The following CPNE4 variants were observed in gnomAD, a reference collection of about 807,000 sequenced individuals.
CPNE4 encodes the protein copine-4.
In CPNE4, 25 loss-of-function variants were observed where a neutral mutation model predicts 67.9. The ratio of observed to expected loss-of-function variants is 0.37; its 90% CI spans 0.27 to 0.51. CPNE4 has a LOEUF of 0.51. Among genes scored for constraint, CPNE4 ranks in the 20% least tolerant of loss-of-function variants. CPNE4 has a pLI of 0.93. For missense variants in CPNE4, 464 were observed against 690.8 expected, an observed-to-expected ratio of 0.67 and a Z score of 3.68; for synonymous variants, 242 against 244.9, an observed-to-expected ratio of 0.99 and a Z score of 0.11.
intron 1 of CPNE4, among the ~76,000 whole-genome samples, chr3:131,942,512 G>C (rs2071431439): frequency 9.6e-6 from 1 of 104,592 alleles, no homozygotes; most frequent in Non-Finnish European, 2.0e-5. Context: ...GAGAGAGAGA[G>C]AGATCATTTT....
chr3:131,772,818 C>G (rs1013401781), intron 2 of CPNE4, among the ~76,000 whole-genome samples: 2 of 152,092 alleles, frequency 1.3e-5, no homozygotes, highest in Non-Finnish European at 2.9e-5. Context: ...CTGGGGAAAG[C>G]CTGGACATAG....
chr3:131,802,985 C>T (rs1560350011), intron 2 of CPNE4, among the ~76,000 whole-genome samples: 1 of 152,032 alleles, frequency 6.6e-6, no homozygotes, highest in Non-Finnish European at 1.5e-5. Context: ...TGTATGGACT[C>T]AGGACTGGAA....
intron 1 of CPNE4, among the ~76,000 whole-genome samples, chr3:131,992,342 G>A (rs915604394): frequency 7.3e-6 from 1 of 137,006 alleles, no homozygotes; most frequent in African/African-American, 2.5e-5. Flanking sequence ...CTGGGTGTGA[G>A]ACATGGGGTC....
intron 9 of CPNE4, among the ~76,000 whole-genome samples, chr3:131,578,746 C>T (rs1937617160): frequency 1.3e-5 from 2 of 152,002 alleles, no homozygotes; most frequent in Admixed American, 1.3e-4. Flanking sequence ...TACAACATTC[C>T]CTTAAGCTAA....
chr3:131,642,011 G>A (rs1302192736), intron 7 of CPNE4, among the ~76,000 whole-genome samples: 2 of 152,068 alleles, frequency 1.3e-5, no homozygotes, highest in Non-Finnish European at 2.9e-5. Context: ...TGGGGGAAAG[G>A]GTGAGGGGTG....
At chr3:132,026,466 T>C (rs1164205698) in intron 1 of CPNE4, among the ~76,000 whole-genome samples, 1 of 152,184 alleles carries the variant, frequency 6.6e-6, no homozygotes, top group Non-Finnish European at 1.5e-5. Context: ...TTATGAAGCA[T>C]GGACTGGATA....
intron 2 of CPNE4, among the ~76,000 whole-genome samples, chr3:131,836,932 T>C (rs2085580325): frequency 6.6e-6 from 1 of 152,118 alleles, no homozygotes; most frequent in African/African-American, 2.4e-5. Context: ...AAAAATACAC[T>C]TCACCAAAGA....
chr3:131,798,522 T>A (rs891172678), intron 2 of CPNE4, among the ~76,000 whole-genome samples: 5 of 152,166 alleles, frequency 3.3e-5, no homozygotes, highest in Non-Finnish European at 5.9e-5. Context: ...TGATGTTAAA[T>A]GTATACCTAC....
At chr3:131,908,895 A>G (rs1369175161) in intron 1 of CPNE4, among the ~76,000 whole-genome samples, 1 of 152,108 alleles carries the variant, frequency 6.6e-6, no homozygotes, top group Non-Finnish European at 1.5e-5. Context: ...GAGCAGATTA[A>G]ATAATATATG....
intron 2 of CPNE4, among the ~76,000 whole-genome samples, chr3:131,795,761 C>T (rs892832159): frequency 4.6e-5 from 7 of 152,294 alleles, no homozygotes; most frequent in Middle Eastern, 6.8e-3. Flanking sequence ...CCTGGAGAAT[C>T]ATGAAGCTCA....
At chr3:131,825,946 T>C (rs139841981) in intron 2 of CPNE4, among the ~76,000 whole-genome samples, 1 of 152,352 alleles carries the variant, frequency 6.6e-6, no homozygotes, top group African/African-American at 2.4e-5. Context: ...CTTGGGTCTT[T>C]ATAGGCCCCC....
At chr3:131,992,070 C>T (rs761078875) in intron 1 of CPNE4, among the ~76,000 whole-genome samples, 2 of 136,694 alleles carry the variant, frequency 1.5e-5, no homozygotes, top group Non-Finnish European at 3.3e-5. Context: ...AGAACCTCTG[C>T]TACAACAGTA....
intron 2 of CPNE4, among the ~76,000 whole-genome samples, chr3:131,773,379 G>T (rs1046114734): frequency 4.9e-5 from 6 of 122,424 alleles, no homozygotes; most frequent in African/African-American, 1.4e-4. Context: ...ATAGAGTTTT[G>T]CTCTGTCACC....
chr3:131,723,183 T>A (rs996804074), intron 3 of CPNE4, among the ~76,000 whole-genome samples: 1 of 152,136 alleles, frequency 6.6e-6, no homozygotes, highest in Non-Finnish European at 1.5e-5. Flanking sequence ...ATAATAGTTG[T>A]TGAATAAATG....
At chr3:131,773,171 A>G (rs2083209437) in intron 2 of CPNE4, among the ~76,000 whole-genome samples, 1 of 152,136 alleles carries the variant, frequency 6.6e-6, no homozygotes, top group South Asian at 2.1e-4. Flanking sequence ...TAATAAAGAA[A>G]AACTAGCCAC....
intron 7 of CPNE4, among the ~76,000 whole-genome samples, chr3:131,588,356 C>T (rs1271342242): frequency 3.3e-5 from 5 of 152,178 alleles, no homozygotes; most frequent in Non-Finnish European, 7.3e-5. Flanking sequence ...GAGGTCTCCA[C>T]GTACTCCCAG....
chr3:131,579,674 G>T (rs191988771), intron 9 of CPNE4, among the ~76,000 whole-genome samples: 1 of 152,286 alleles, frequency 6.6e-6, no homozygotes, highest in East Asian at 1.9e-4. Context: ...TGACCTTGAG[G>T]AGTTCAAAAC....
intron 7 of CPNE4, among the ~76,000 whole-genome samples, chr3:131,632,949 T>A (rs2079270797): frequency 6.6e-6 from 1 of 152,140 alleles, no homozygotes; most frequent in African/African-American, 2.4e-5. Context: ...TGATCCCGTA[T>A]CTCTCCAGTC....
At chr3:131,872,197 G>C (rs1018914814) in intron 2 of CPNE4, among the ~76,000 whole-genome samples, 13 of 145,726 alleles carry the variant, frequency 8.9e-5, no homozygotes, top group African/African-American at 3.2e-4. Flanking sequence ...TGTGTGTGTA[G>C]AGAGAGAGAG....
Sources: gnomAD v4.1 joint callset for allele counts (sites outside exome capture counted in the v4.1 genomes callset) on GRCh38, gnomAD v4.1.1 for gene constraint, MANE v1.5 for transcripts, NCBI Gene and HGNC (gene_info 2026-07-23, HGNC 2026-07-21) for gene names.